GPC6: variants seen among roughly 807,000 people sequenced by gnomAD.
GPC6 encodes glypican-6.
GPC6 carries 14 observed loss-of-function variants against 55.2 expected under a neutral mutation model. The observed-to-expected ratio is 0.25, with a 90% CI of 0.17 to 0.40. The LOEUF is 0.40. Among genes scored for constraint, GPC6 ranks in the 10% least tolerant of loss-of-function variants. The probability of loss-of-function intolerance (pLI) is 1.00; values close to 1 mark genes in which losing one functional copy is unlikely to be tolerated. For missense variants in GPC6, 641 were observed against 708.5 expected (o/e 0.90, Z 1.08); for synonymous variants, 278 against 259.6 (o/e 1.07, Z -0.68).
chr13:93,938,972 C>G (rs1198353084), intron 3 of GPC6, among the ~76,000 whole-genome samples: 1 of 152,006 alleles, frequency 6.6e-6, no homozygotes, highest in Non-Finnish European at 1.5e-5. Context: ...CGTGGTGACA[C>G]GTGCCTGTAG....
intron 3 of GPC6, among the ~76,000 whole-genome samples, chr13:93,969,653 T>C: frequency 6.6e-6 from 1 of 152,280 alleles, no homozygotes; most frequent in East Asian, 1.9e-4. Context: ...ATACTATCTT[T>C]ACCATTTTTA....
At chr13:93,978,309 T>C (rs776735059) in intron 3 of GPC6, among the ~76,000 whole-genome samples, 13 of 152,198 alleles carry the variant, frequency 8.5e-5, no homozygotes, top group Non-Finnish European at 1.3e-4. Context: ...ATGAGATAGA[T>C]AATGAATTTG....
intron 4 of GPC6, among the ~76,000 whole-genome samples, chr13:94,210,674 T>A (rs1009928802): frequency 6.6e-6 from 1 of 152,196 alleles, no homozygotes; most frequent in Non-Finnish European, 1.5e-5. Context: ...AGTACAAAGC[T>A]AAGCTTTCAT....
At chr13:93,569,896 C>A (rs1876320761) in intron 2 of GPC6, among the ~76,000 whole-genome samples, 1 of 151,996 alleles carries the variant, frequency 6.6e-6, no homozygotes, top group African/African-American at 2.4e-5. Flanking sequence ...GTTTGAATTA[C>A]CTTCAAAATA....
At chr13:93,449,872 C>G (rs1280444851) in intron 1 of GPC6, among the ~76,000 whole-genome samples, 1 of 150,872 alleles carries the variant, frequency 6.6e-6, no homozygotes, top group African/African-American at 2.4e-5. Context: ...TCCAGTTTTC[C>G]AAAAAGAACT....
At chr13:93,554,800 G>C (rs1875369980) in intron 2 of GPC6, among the ~76,000 whole-genome samples, 1 of 152,182 alleles carries the variant, frequency 6.6e-6, no homozygotes, top group African/African-American at 2.4e-5. Flanking sequence ...CCAGTGCCCA[G>C]CTAAGAATAA....
chr13:93,820,501 T>C (rs1409700817), intron 2 of GPC6, among the ~76,000 whole-genome samples: 3 of 152,062 alleles, frequency 2.0e-5, no homozygotes, highest in Middle Eastern at 3.2e-3. Context: ...AAAATAATTC[T>C]CCTTGTTTTG....
chr13:93,573,296 T>C (rs924805841), intron 2 of GPC6, among the ~76,000 whole-genome samples: 9 of 152,078 alleles, frequency 5.9e-5, no homozygotes, highest in African/African-American at 1.9e-4. Flanking sequence ...GGGAATGTGG[T>C]GCCAAGATCG....
intron 2 of GPC6, among the ~76,000 whole-genome samples, chr13:93,732,555 G>T (rs998241333): frequency 6.6e-6 from 1 of 152,180 alleles, no homozygotes; most frequent in African/African-American, 2.4e-5. Context: ...AATCAAACCA[G>T]TTATGGCTTC....
chr13:93,349,945 A>T (rs978374257), intron 1 of GPC6, among the ~76,000 whole-genome samples: 2 of 152,228 alleles, frequency 1.3e-5, no homozygotes, highest in Non-Finnish European at 2.9e-5. Flanking sequence ...ATAAAAATTA[A>T]AAGTCATATA....
chr13:93,256,258 T>C (rs1356569613), intron 1 of GPC6, among the ~76,000 whole-genome samples: 2 of 152,010 alleles, frequency 1.3e-5, no homozygotes, highest in Non-Finnish European at 2.9e-5. Context: ...AATTTTTCTG[T>C]TTCATTTGGA....
chr13:93,596,809 T>G (rs1425225882), intron 2 of GPC6, among the ~76,000 whole-genome samples: 1 of 148,524 alleles, frequency 6.7e-6, no homozygotes, highest in African/African-American at 2.4e-5. Context: ...GATGTGTGTA[T>G]AAATATATAT....
At chr13:94,081,844 C>CTTTTT in intron 4 of GPC6, among the ~76,000 whole-genome samples, 1 of 133,002 alleles carries the variant, frequency 7.5e-6, no homozygotes, top group African/African-American at 2.8e-5. Flanking sequence ...TACTACTTTC[C>CTTTTT]TTTTTTTTTT....
At chr13:93,582,668 T>C (rs1221826983) in intron 2 of GPC6, among the ~76,000 whole-genome samples, 1 of 152,182 alleles carries the variant, frequency 6.6e-6, no homozygotes, top group African/African-American at 2.4e-5. Context: ...TACTTGGGGA[T>C]GGATTGAGAA....
intron 4 of GPC6, among the ~76,000 whole-genome samples, chr13:94,133,591 T>C (rs1887081620): frequency 1.3e-5 from 2 of 152,142 alleles, no homozygotes; most frequent in Non-Finnish European, 2.9e-5. Flanking sequence ...TTTCCAGGTA[T>C]GATTTCACCA....
Position 93,870,700 on chromosome 13 carries a change from G to GAC in GPC6, c.711+40168_711+40169dup, listed in dbSNP as rs373928133. Among the ~76,000 whole-genome samples the GAC allele has an allele frequency of 8.6e-5, 13 of 151,214 alleles. 1 individual carries two copies. Among genetic ancestry groups the GAC allele is most frequent in the Middle Eastern group, 6.3e-3 (2 of 316 alleles). ...TGGTATCTTTATAAGAAGAGATAAG[G>GAC]ACACACACACACACGGAAAACTGCG... On this transcript the variant is annotated intron_variant, in intron 3 of 8. Transcript: ENST00000377047.
intron 3 of GPC6, among the ~76,000 whole-genome samples, chr13:93,968,467 A>AT (rs565784860): frequency 1.1e-3 from 171 of 151,878 alleles, no homozygotes; most frequent in African/African-American, 3.5e-3. Context: ...TATTATACTC[A>AT]TTTTTTTCTT....
chr13:93,596,602 AATAAATAAATATAT>A (rs199639232), intron 2 of GPC6, among the ~76,000 whole-genome samples: 5,117 of 82,630 alleles, frequency 0.062, 296 homozygotes, highest in African/African-American at 0.23. Flanking sequence ...TAAATAAATA[AATAAATAAATATAT>A]ATATATATAT....
intron 1 of GPC6, among the ~76,000 whole-genome samples, chr13:93,413,583 A>G (rs1221457034): frequency 1.3e-5 from 2 of 149,134 alleles, no homozygotes; most frequent in African/African-American, 2.5e-5. Context: ...GGAAGAGATG[A>G]GTATAAAGTT....
Sources: allele counts gnomAD v4.1 joint callset (sites outside exome capture counted in the v4.1 genomes callset), GRCh38; gene constraint gnomAD v4.1.1; transcripts MANE v1.5; gene names NCBI Gene and HGNC (gene_info 2026-07-23, HGNC 2026-07-21).